NBEA: variants seen among roughly 807,000 people sequenced by gnomAD.
The protein encoded by NBEA is neurobeachin.
In NBEA, 44 loss-of-function variants were observed where a neutral mutation model predicts 343.4. The observed-to-expected ratio is 0.13, with a 90% CI of 0.10 to 0.16. The LOEUF is 0.16. Ranked by LOEUF, NBEA falls within the 10% of genes least tolerant of loss-of-function variation. The pLI is 1.00. For missense variants in NBEA, 2,555 were observed against 3,631.3 expected (o/e 0.70, Z 7.62); for synonymous variants, 1,175 against 1,238.7 (o/e 0.95, Z 1.08).
rs1203017742 is a variant in NBEA, at chr13:35,671,475, A to G, written c.*484A>G. ...TACTTTTGTAAAAGTAAAACCTTGT[A>G]TAAAGAACAAAATGTTTCTTAATTT... On this transcript the variant is annotated 3_prime_UTR_variant, in exon 59 of 59. Coordinates refer to ENST00000379939, the MANE Select transcript of NBEA (RefSeq NM_001385012.1). The G allele has an allele frequency of 6.5e-6, 1 of 153,562 alleles. No homozygotes were observed. Among genetic ancestry groups the G allele is most frequent in the Non-Finnish European group, 1.5e-5 (1 of 68,924 alleles). The allele number at this position is 153,562 out of a possible 1,614,324, so 9.5% of individuals were successfully genotyped here.
intron 24 of NBEA, 146 bp downstream of exon 24, chr13:35,164,655 C>A: frequency 1.1e-6 from 1 of 874,376 alleles, no homozygotes; most frequent in Non-Finnish European, 1.7e-6. Context: ...ATTTCCACCA[C>A]TTTTGTTTAT....
intron 28 of NBEA, among the ~76,000 whole-genome samples, chr13:35,181,277 AT>A (rs2071299158): frequency 6.6e-6 from 1 of 151,878 alleles, no homozygotes; most frequent in African/African-American, 2.4e-5. Flanking sequence ...ACTAGTTTTC[AT>A]TCCCACCAGC....
chr13:35,325,738 C>G (rs1168116521), intron 36 of NBEA, among the ~76,000 whole-genome samples: 1 of 152,016 alleles, frequency 6.6e-6, no homozygotes, highest in Non-Finnish European at 1.5e-5. Context: ...AAGCTAATGT[C>G]TAGAAAGGTA....
intron 6 of NBEA, among the ~76,000 whole-genome samples, chr13:35,053,377 C>T (rs181411065): frequency 1.6e-4 from 25 of 152,108 alleles, no homozygotes; most frequent in African/African-American, 5.5e-4. Context: ...TTTTTTTAAC[C>T]ACTGTCTACT....
chr13:35,361,773 T>G (rs2040819791), intron 38 of NBEA, among the ~76,000 whole-genome samples: 1 of 152,144 alleles, frequency 6.6e-6, no homozygotes, highest in South Asian at 2.1e-4. Context: ...GAAAAAATAC[T>G]TTTAAAACTT....
intron 1 of NBEA, among the ~76,000 whole-genome samples, chr13:34,962,212 G>C (rs1238125572): frequency 6.6e-6 from 1 of 151,998 alleles, no homozygotes. Flanking sequence ...TGAACCATTA[G>C]AAGTATAGAA....
chr13:35,403,303 A>G (rs1406168939), intron 38 of NBEA, among the ~76,000 whole-genome samples: 1 of 152,106 alleles, frequency 6.6e-6, no homozygotes, highest in Non-Finnish European at 1.5e-5. Flanking sequence ...AAACACTATT[A>G]TAAGTACTAT....
intron 48 of NBEA, among the ~76,000 whole-genome samples, chr13:35,610,768 G>A (rs1331127351): frequency 1.3e-5 from 2 of 151,946 alleles, no homozygotes; most frequent in African/African-American, 4.8e-5. Flanking sequence ...CAAGCCACAG[G>A]CTGAGAAAAA....
chr13:35,069,965 G>A lies in NBEA; in HGVS notation c.1297G>A (p.Val433Met). ...TCATTTGGCAGAACATCATAAACAG[G>A]TGTTATATGATGGGAAACTTGCAAG... ...DIHLAEHHKQVLYDGKLASSI... is the reference protein window; with the variant it reads ...DIHLAEHHKQMLYDGKLASSI... The change falls in exon 9 of 59, where the codon GTG (valine) becomes ATG (methionine). Residue 433 changes from valine to methionine, a missense_variant. Val to Met is a conservative substitution (Grantham distance 21). Around this residue, in one of 21 missense-constraint regions of NBEA, gnomAD observed 75 missense variants for 237.4 expected, o/e 0.32. Coordinates refer to ENST00000379939, the MANE Select transcript of NBEA (RefSeq NM_001385012.1). The A allele has an allele frequency of 6.2e-7, 1 of 1,604,192 alleles. No homozygotes were observed. The highest frequency in any genetic ancestry group is 8.5e-7 in the Non-Finnish European group (1 of 1,175,348).
Position 35,283,737 on chromosome 13 carries a change from A to G in NBEA, c.5777-6652A>G, listed in dbSNP as rs752150354. On this transcript the variant is annotated intron_variant, in intron 34 of 58. Coordinates refer to ENST00000379939, the MANE Select transcript of NBEA (RefSeq NM_001385012.1). ...GGATTTTCACAATAAATAGAATAAC[A>G]AATTGTAAATAGCATCACATTATTC... 2.3e-4 allele frequency among the ~76,000 whole-genome samples: 35 copies of G among 152,290 alleles called. 1 individual carries two copies. The highest frequency in any genetic ancestry group is 3.4e-3 in the Middle Eastern group (1 of 294).
intron 34 of NBEA, among the ~76,000 whole-genome samples, chr13:35,236,257 A>C (rs2075222226): frequency 6.6e-6 from 1 of 152,172 alleles, no homozygotes; most frequent in African/African-American, 2.4e-5. Flanking sequence ...GACTTTCAGT[A>C]TCCCTCACAA....
chr13:35,384,235 G>A (rs1346051173), intron 38 of NBEA, among the ~76,000 whole-genome samples: 2 of 152,164 alleles, frequency 1.3e-5, no homozygotes, highest in African/African-American at 4.8e-5. Flanking sequence ...TGAATCAGTT[G>A]TAATGTTCTA....
At chr13:35,282,207 C>T (rs965587016) in intron 34 of NBEA, among the ~76,000 whole-genome samples, 9 of 152,090 alleles carry the variant, frequency 5.9e-5, no homozygotes, top group South Asian at 2.1e-4. Flanking sequence ...CCACTGCACC[C>T]GGCCAATTAT....
chr13:35,527,249 G>A (rs2078023142), intron 41 of NBEA, among the ~76,000 whole-genome samples: 1 of 152,114 alleles, frequency 6.6e-6, no homozygotes, highest in Non-Finnish European at 1.5e-5. Flanking sequence ...GGGCATGCCT[G>A]GAAAATGCAC....
chr13:35,601,321 A>T (rs917157774), intron 47 of NBEA, among the ~76,000 whole-genome samples: 1 of 152,206 alleles, frequency 6.6e-6, no homozygotes, highest in South Asian at 2.1e-4. Context: ...TGGATTACAT[A>T]TTATATGTTA....
At chr13:34,953,497 T>C (rs573183735) in intron 1 of NBEA, among the ~76,000 whole-genome samples, 114 of 152,322 alleles carry the variant, frequency 7.5e-4, no homozygotes, top group African/African-American at 2.7e-3. Context: ...TTTCAAGATT[T>C]AGCTCTTACC....
intron 35 of NBEA, among the ~76,000 whole-genome samples, chr13:35,307,311 T>A (rs1347789168): frequency 6.6e-6 from 1 of 152,066 alleles, no homozygotes; most frequent in East Asian, 1.9e-4. Context: ...CAAATTACTC[T>A]TCTAAAACAC....
intron 18 of NBEA, among the ~76,000 whole-genome samples, chr13:35,153,648 C>T (rs192329613): frequency 1.1e-4 from 17 of 152,276 alleles, no homozygotes; most frequent in African/African-American, 3.6e-4. Flanking sequence ...ATAGGCAAGG[C>T]AGTTATTCTT....
In NBEA at chr13:35,301,257, G is replaced by T. The variant is rs185061652; in HGVS notation, c.5839-8271G>T. ...TACATAGGTATACATGTGCCATCGTGGTTTGCTGCACCTGTCAACCCGTCA... is the reference window on the plus strand; with the variant it reads ...TACATAGGTATACATGTGCCATCGTTGTTTGCTGCACCTGTCAACCCGTCA... On this transcript the variant is annotated intron_variant, in intron 35 of 58. Coordinates refer to ENST00000379939, the MANE Select transcript of NBEA (RefSeq NM_001385012.1). 3.0e-3 allele frequency among the ~76,000 whole-genome samples: 456 copies of T among 151,720 alleles called. 1 individual carries two copies. Among genetic ancestry groups the T allele is most frequent in the African/African-American group, 0.011 (443 of 41,336 alleles).
Sources: gnomAD v4.1 joint callset for allele counts (sites outside exome capture counted in the v4.1 genomes callset) on GRCh38, gnomAD v4.1.1 for gene constraint, gnomAD v4.1.1 regional missense constraint, MANE v1.5 for transcripts, NCBI Gene and HGNC (gene_info 2026-07-23, HGNC 2026-07-21) for gene names.